Variants in RGMA observed in about 807,000 individuals in gnomAD.
RGMA encodes the protein repulsive guidance molecule A.
Under a neutral mutation model 23.2 loss-of-function variants are expected in RGMA, and 10 were observed. That is an observed-to-expected ratio of 0.43 (90% CI 0.27 to 0.73). The LOEUF (loss-of-function observed/expected upper bound fraction) is 0.73, where lower values mean the gene tolerates loss of function less well. Among genes scored for constraint, RGMA ranks in the 30% least tolerant of loss-of-function variants. The pLI is 0.20. For missense variants in RGMA, 547 were observed against 630.5 expected (o/e 0.87, Z 1.42); for synonymous variants, 308 against 279.3 (o/e 1.10, Z -1.03).
At chr15:93,072,689 G>A (rs939655666) in intron 2 of RGMA, among the ~76,000 whole-genome samples, 5 of 152,150 alleles carry the variant, frequency 3.3e-5, no homozygotes, top group South Asian at 2.1e-4. Context: ...CTCCCCACAC[G>A]GCTCCATCTC....
rs549369654 is a variant in RGMA, at chr15:93,088,656, C to T, written c.14+263G>A. On this transcript the variant is annotated intron_variant, in intron 1 of 3. Transcript: ENST00000329082. ...CGCACACGGTGTAAGGGACGTGTGC[C>T]GGGTCTGCCCAACCACGCGCGCTGG... 8.4e-5 allele frequency: 82 copies of T among 979,486 alleles called. No individual in the cohort carries two copies. In the East Asian group the frequency reaches 2.6e-3, roughly 31 times the overall value. 60.7% of individuals were successfully genotyped at this position (979,486 alleles called of 1,614,324 possible).
intron 1 of RGMA, among the ~76,000 whole-genome samples, chr15:93,076,448 A>T (rs1895474450): frequency 6.6e-6 from 1 of 152,180 alleles, no homozygotes; most frequent in African/African-American, 2.4e-5. Context: ...TCATCAGTCA[A>T]CAAATATATA....
intron 2 of RGMA, among the ~76,000 whole-genome samples, chr15:93,072,490 G>A (rs1895361488): frequency 6.6e-6 from 1 of 152,116 alleles, no homozygotes; most frequent in South Asian, 2.1e-4. Flanking sequence ...CCTCAGGGGC[G>A]ACCCTGGCTC....
At chr15:93,065,251 C>T (rs751916259) in intron 2 of RGMA, among the ~76,000 whole-genome samples, 7 of 150,810 alleles carry the variant, frequency 4.6e-5, no homozygotes, top group East Asian at 1.9e-4. Flanking sequence ...GGTTGGGGGC[C>T]GGGAGAAAAC....
At chr15:93,069,859 T>C (rs1199560683) in intron 2 of RGMA, among the ~76,000 whole-genome samples, 1 of 152,250 alleles carries the variant, frequency 6.6e-6, no homozygotes, top group Non-Finnish European at 1.5e-5. Flanking sequence ...GTCCGAAACA[T>C]ATGCCTGGAT....
chr15:93,050,870 C>T (rs986406695), intron 3 of RGMA, among the ~76,000 whole-genome samples: 6 of 152,142 alleles, frequency 3.9e-5, no homozygotes, highest in Non-Finnish European at 7.4e-5. Context: ...GAAGCTGCAG[C>T]CTCAGGCTCC....
chr15:93,086,708 A>C (rs1053452468), intron 1 of RGMA, among the ~76,000 whole-genome samples: 11 of 152,094 alleles, frequency 7.2e-5, no homozygotes, highest in Non-Finnish European at 1.5e-5. Context: ...CTCAGTCCCT[A>C]TTTATTTCAT....
At chr15:93,065,550 C>T in intron 2 of RGMA, 2 of 685,736 alleles carry the variant, frequency 2.9e-6, no homozygotes, top group South Asian at 1.4e-5. Flanking sequence ...TGGCAGATAG[C>T]AGATGGCAGC....
In RGMA at chr15:93,065,842, T is replaced by C. The variant is rs1895126359; in HGVS notation, c.130+7074A>G. ...GGGGAACCCGCTCACCTCCCTGCTG[T>C]TGCTGCCCCTCCAATGGGGCTCTTT... On this transcript the variant is annotated intron_variant, in intron 2 of 3. Transcript: ENST00000329082. 6.6e-6 allele frequency: 5 copies of C among 762,866 alleles called. No homozygotes were observed. The Admixed American group carries it at 7.1e-5, about 11-fold the overall frequency. 47.3% of individuals were successfully genotyped at this position (762,866 alleles called of 1,614,324 possible). A position where few individuals can be genotyped will look rare whatever the true frequency, so the allele number is the denominator to read the frequency against.
intron 1 of RGMA, among the ~76,000 whole-genome samples, chr15:93,077,297 G>A (rs1895488096): frequency 6.6e-6 from 1 of 152,188 alleles, no homozygotes; most frequent in Non-Finnish European, 1.5e-5. Flanking sequence ...GAGTTGCCCA[G>A]GCCCTTCTCC....
chr15:93,058,564 A>G (rs2141821237), intron 2 of RGMA, among the ~76,000 whole-genome samples: 1 of 152,360 alleles, frequency 6.6e-6, no homozygotes, highest in South Asian at 2.1e-4. Flanking sequence ...ACTGTGGGCT[A>G]GACATTGTAC....
chr15:93,044,989 T>C lies in RGMA; in HGVS notation c.*9A>G, dbSNP rs1422145809. ...GACGGAGCCCGCGCCTCCCTCCACATCTACGCGTCTAGCAGAACACAGGGA... is the reference window on the plus strand; with the variant it reads ...GACGGAGCCCGCGCCTCCCTCCACACCTACGCGTCTAGCAGAACACAGGGA... On this transcript the variant is annotated 3_prime_UTR_variant, in exon 4 of 4. Coordinates refer to ENST00000329082, the MANE Select transcript of RGMA (RefSeq NM_020211.3). 1 of 1,592,234 alleles carries C rather than the reference T, an allele frequency of 6.3e-7. No homozygotes were observed.
At chr15:93,078,010 C>T (rs1001901178) in intron 1 of RGMA, among the ~76,000 whole-genome samples, 1 of 152,180 alleles carries the variant, frequency 6.6e-6, no homozygotes, top group South Asian at 2.1e-4. Context: ...GCCCAGCTGA[C>T]ATCTTGTTTT....
At chr15:93,067,131 T>C in intron 2 of RGMA, among the ~76,000 whole-genome samples, 1 of 152,378 alleles carries the variant, frequency 6.6e-6, no homozygotes, top group East Asian at 1.9e-4. Context: ...GTTTGTGAAA[T>C]GTTCATTTAG....
rs572193880 is a variant in RGMA at position 93,064,611 on chromosome 15, C to T, written c.130+8305G>A. 1.5e-4 allele frequency among the ~76,000 whole-genome samples: 23 copies of T among 152,384 alleles called. No homozygotes were observed. In the East Asian group the frequency reaches 1.5e-3, roughly 10 times the overall value. On this transcript the variant is annotated intron_variant, in intron 2 of 3. Transcript: ENST00000329082. ...TGTGTTCATGTGGCATTTCTTAGCA[C>T]AGGGAGCAACTGGGCTTCCTTCTGC...
In RGMA at chr15:93,089,023, G is replaced by T; in HGVS notation, c.-91C>A. On this transcript the variant is annotated 5_prime_UTR_variant, in exon 1 of 4. Transcript: ENST00000329082. Reference sequence around the variant, plus strand: ...CCGCTCGTCTGCCCCGGGGCAAGGTGGGAGGGGCTCCGCTGGCGCTGGTCC... The same window carrying T: ...CCGCTCGTCTGCCCCGGGGCAAGGTTGGAGGGGCTCCGCTGGCGCTGGTCC... 1.3e-6 allele frequency: 1 copy of T among 781,558 alleles called. No individual in the cohort carries two copies. Among genetic ancestry groups the T allele is most frequent in the South Asian group, 2.8e-5 (1 of 35,122 alleles). The allele number at this position is 781,558 out of a possible 1,614,324, so 48.4% of individuals were successfully genotyped here.
At chr15:93,059,119 G>GCTGA (rs1435746739) in intron 2 of RGMA, among the ~76,000 whole-genome samples, 2 of 151,996 alleles carry the variant, frequency 1.3e-5, no homozygotes, top group African/African-American at 4.8e-5. Context: ...AAGGGCTGGG[G>GCTGA]CTGAGATGGG....
At chr15:93,062,533 C>A (rs1596093607) in intron 2 of RGMA, among the ~76,000 whole-genome samples, 2 of 152,300 alleles carry the variant, frequency 1.3e-5, no homozygotes, top group African/African-American at 4.8e-5. Context: ...TGGGGCCAGA[C>A]ACGGAAACCT....
At chr15:93,050,728 G>A (rs1035252887) in intron 3 of RGMA, among the ~76,000 whole-genome samples, 3 of 152,182 alleles carry the variant, frequency 2.0e-5, no homozygotes, top group Admixed American at 2.0e-4. Flanking sequence ...GGGTCTGGAG[G>A]AGCGAGCCAC....
Sources: allele counts gnomAD v4.1 joint callset (sites outside exome capture counted in the v4.1 genomes callset), GRCh38; gene constraint gnomAD v4.1.1; transcripts MANE v1.5; gene names NCBI Gene and HGNC (gene_info 2026-07-23, HGNC 2026-07-21).